The following TAF1B variants were observed in gnomAD, a reference collection of about 807,000 sequenced individuals.
TAF1B encodes TATA box-binding protein-associated factor RNA polymerase I subunit B.
Under a neutral mutation model 83.9 loss-of-function variants are expected in TAF1B, and 61 were observed. The observed-to-expected ratio is 0.73, with a 90% CI of 0.59 to 0.90. The LOEUF (loss-of-function observed/expected upper bound fraction) is 0.90, where lower values mean the gene tolerates loss of function less well. Among genes scored for constraint, TAF1B ranks in the 40% least tolerant of loss-of-function variants. TAF1B has a pLI of 0.00. For missense variants in TAF1B, 625 were observed against 677.0 expected, an observed-to-expected ratio of 0.92 and a Z score of 0.85; for synonymous variants, 221 against 224.6, an observed-to-expected ratio of 0.98 and a Z score of 0.14.
At chr2:9,883,558 A>G (rs1218802027) in intron 8 of TAF1B, among the ~76,000 whole-genome samples, 1 of 152,222 alleles carries the variant, frequency 6.6e-6, no homozygotes, top group Non-Finnish European at 1.5e-5. Context: ...ATCCCTTTCC[A>G]GCCTGTCAGT....
chr2:9,867,005 G>A (rs1354036320), intron 5 of TAF1B, among the ~76,000 whole-genome samples: 1 of 152,128 alleles, frequency 6.6e-6, no homozygotes, highest in Non-Finnish European at 1.5e-5. Flanking sequence ...GTTAATGGGT[G>A]CAGCACACCA....
intron 8 of TAF1B, among the ~76,000 whole-genome samples, chr2:9,895,932 T>TA (rs1440210528): frequency 1.3e-5 from 2 of 151,948 alleles, no homozygotes; most frequent in African/African-American, 2.4e-5. Context: ...AGCCTGTCCT[T>TA]ACCTGTCTTA....
intron 14 of TAF1B, among the ~76,000 whole-genome samples, chr2:9,929,824 T>TTTGG (rs1386423185): frequency 1.3e-5 from 2 of 152,196 alleles, no homozygotes; most frequent in Non-Finnish European, 2.9e-5. Context: ...CTGGACTTTT[T>TTTGG]TTGGTTGGTA....
intron 14 of TAF1B, among the ~76,000 whole-genome samples, chr2:9,928,286 G>A (rs1361171789): frequency 6.6e-6 from 1 of 152,224 alleles, no homozygotes; most frequent in Non-Finnish European, 1.5e-5. Flanking sequence ...ATAATTTGAA[G>A]TCAGGTAGTG....
At chr2:9,927,132 G>C (rs1484783924) in intron 14 of TAF1B, among the ~76,000 whole-genome samples, 1 of 142,064 alleles carries the variant, frequency 7.0e-6, no homozygotes, top group Non-Finnish European at 1.5e-5. Flanking sequence ...TTGGTTTTCT[G>C]TCCTTGTGAT....
chr2:9,868,276 G>C lies in TAF1B; in HGVS notation c.400G>C (p.Val134Leu). 1 of 1,613,918 alleles carries C rather than the reference G, an allele frequency of 6.2e-7. No homozygotes were observed. Among genetic ancestry groups the C allele is most frequent in the Non-Finnish European group, 8.5e-7 (1 of 1,179,888 alleles). Residue 134 changes from valine (V) to leucine (L), a missense_variant and splice_region_variant, in exon 6 of 15, where the codon GTA becomes CTA. Physicochemically the swap from Val to Leu is conservative, Grantham distance 32. Transcript: ENST00000263663. Reference protein sequence around the residue: ...PVYTTGRKPTVLEDNLSHSDW... With the variant: ...PVYTTGRKPTLLEDNLSHSDW... ...TTTATTTATATTGTTTTGCAAACAG[G>C]TATTAGAAGATAATCTAAGTCATTC...
At chr2:9,913,455 T>G in intron 12 of TAF1B, 3 of 443,720 alleles carry the variant, frequency 6.8e-6, no homozygotes, top group Non-Finnish European at 7.9e-6. Flanking sequence ...TCACCAGTGT[T>G]TTTATTAATG....
At chr2:9,909,029 C>T (rs563670136) in intron 9 of TAF1B, among the ~76,000 whole-genome samples, 1 of 152,292 alleles carries the variant, frequency 6.6e-6, no homozygotes, top group East Asian at 1.9e-4. Context: ...CAGAAAAATA[C>T]TTTGATGCGA....
chr2:9,863,230 C>T (rs1248249464), intron 5 of TAF1B, among the ~76,000 whole-genome samples: 1 of 151,948 alleles, frequency 6.6e-6, no homozygotes, highest in African/African-American at 2.4e-5. Flanking sequence ...CACATAGGCT[C>T]AAAGTAAAGG....
chr2:9,913,519 T>A (rs1665597535), intron 12 of TAF1B: 1 of 278,680 alleles, frequency 3.6e-6, no homozygotes, highest in African/African-American at 2.2e-5. Flanking sequence ...CTTTTTATAA[T>A]TTAACTTTTT....
intron 5 of TAF1B, among the ~76,000 whole-genome samples, chr2:9,863,561 A>G (rs1663853324): frequency 6.6e-6 from 1 of 152,238 alleles, no homozygotes; most frequent in African/African-American, 2.4e-5. Flanking sequence ...TAACAAGGAT[A>G]TCCAGGAATT....
chr2:9,886,928 G>C (rs1053005269), intron 8 of TAF1B, among the ~76,000 whole-genome samples: 1 of 152,164 alleles, frequency 6.6e-6, no homozygotes, highest in Non-Finnish European at 1.5e-5. Flanking sequence ...AGCTGAGCGT[G>C]GTGGCGCACA....
chr2:9,863,380 G>T (rs529335218), intron 5 of TAF1B, among the ~76,000 whole-genome samples: 117 of 152,294 alleles, frequency 7.7e-4, no homozygotes, highest in African/African-American at 2.3e-3. Context: ...AGGGATCAAT[G>T]CAACAAGAAG....
chr2:9,879,183 A>C (rs560198663), intron 7 of TAF1B, among the ~76,000 whole-genome samples: 14 of 152,238 alleles, frequency 9.2e-5, no homozygotes, highest in Non-Finnish European at 1.9e-4. Context: ...GCATAGTAAG[A>C]GATTAACAAC....
intron 8 of TAF1B, among the ~76,000 whole-genome samples, chr2:9,898,512 A>G (rs1665085764): frequency 6.6e-6 from 1 of 152,168 alleles, no homozygotes; most frequent in Non-Finnish European, 1.5e-5. Context: ...TCTGTTTAAA[A>G]CTGTTTGGGA....
intron 8 of TAF1B, among the ~76,000 whole-genome samples, chr2:9,904,463 A>G (rs1309807941): frequency 1.3e-5 from 2 of 152,166 alleles, no homozygotes; most frequent in South Asian, 2.1e-4. Context: ...GTAATATTCC[A>G]TGGTGTATAT....
intron 9 of TAF1B, among the ~76,000 whole-genome samples, chr2:9,909,572 G>C (rs1031326679): frequency 3.9e-5 from 6 of 152,192 alleles, no homozygotes; most frequent in African/African-American, 1.4e-4. Flanking sequence ...GTGAGTTCAT[G>C]AGAGCAGGGG....
intron 8 of TAF1B, among the ~76,000 whole-genome samples, chr2:9,891,704 A>G (rs1428195501): frequency 6.6e-6 from 1 of 152,218 alleles, no homozygotes; most frequent in Middle Eastern, 3.2e-3. Context: ...GGCCTGGGCT[A>G]AATGTGTATG....
rs371475463 is a variant in TAF1B at position 9,916,837 on chromosome 2, C to CTTTTTTT, written c.1272-2192_1272-2186dup. The stretch of plus-strand genomic sequence containing the variant: ...TGATTAGAAAAATTTCCTTTCTGTT[C>CTTTTTTT]TTTTTTTTTTTTTTTTTTGAGATGG... On this transcript the variant is annotated intron_variant, in intron 12 of 14. Transcript: ENST00000263663. 2.8e-3 allele frequency among the ~76,000 whole-genome samples: 266 copies of CTTTTTTT among 95,696 alleles called. 11 individuals carry two copies. Among genetic ancestry groups the CTTTTTTT allele is most frequent in the Middle Eastern group, 0.015 (2 of 130 alleles). The allele number at this position is 95,696 out of a possible 152,430, so 62.8% of individuals were successfully genotyped here.
Sources: gnomAD v4.1 joint callset for allele counts (sites outside exome capture counted in the v4.1 genomes callset) on GRCh38, gnomAD v4.1.1 for gene constraint, MANE v1.5 for transcripts, NCBI Gene and HGNC (gene_info 2026-07-23, HGNC 2026-07-21) for gene names.